TBX15: variants seen among roughly 807,000 people sequenced by gnomAD.
TBX15 encodes T-box transcription factor TBX15.
Under a neutral mutation model 53.9 loss-of-function variants are expected in TBX15, and 18 were observed. That is an observed-to-expected ratio of 0.33 (90% CI 0.23 to 0.49). The LOEUF (loss-of-function observed/expected upper bound fraction) is 0.49. Among genes scored for constraint, TBX15 ranks in the 20% least tolerant of loss-of-function variants. TBX15 has a pLI of 0.98. For synonymous variants in TBX15, 295 were observed against 278.0 expected (o/e 1.06, Z -0.61); for missense variants, 692 against 749.5 (o/e 0.92, Z 0.90).
chr1:118,908,545 A>C (rs1654918847), intron 6 of TBX15, among the ~76,000 whole-genome samples: 1 of 152,134 alleles, frequency 6.6e-6, no homozygotes, highest in South Asian at 2.1e-4. Flanking sequence ...TCCCACACAC[A>C]CACCCAAAAC....
chr1:118,983,013 A>G (rs1036007803), intron 1 of TBX15, among the ~76,000 whole-genome samples: 6 of 152,202 alleles, frequency 3.9e-5, no homozygotes, highest in African/African-American at 1.4e-4. Flanking sequence ...TTCGCTGCCC[A>G]TGAGGTTTGT....
intron 1 of TBX15, among the ~76,000 whole-genome samples, chr1:118,950,314 C>A (rs1656476706): frequency 1.3e-5 from 2 of 152,174 alleles, no homozygotes; most frequent in Non-Finnish European, 1.5e-5. Context: ...CTGACTTGTG[C>A]TTCACTGAGA....
chr1:118,918,664 G>T (rs1181678467), intron 5 of TBX15, among the ~76,000 whole-genome samples: 2 of 152,110 alleles, frequency 1.3e-5, no homozygotes, highest in Non-Finnish European at 2.9e-5. Context: ...TGTGTAGTTT[G>T]AATTATAGAA....
At chr1:118,975,905 G>C (rs1490816445) in intron 1 of TBX15, among the ~76,000 whole-genome samples, 1 of 152,210 alleles carries the variant, frequency 6.6e-6, no homozygotes, top group Non-Finnish European at 1.5e-5. Context: ...GGAAAGTGCA[G>C]CTCCCTTTTC....
intron 1 of TBX15, among the ~76,000 whole-genome samples, chr1:118,943,235 A>G (rs1199110549): frequency 6.6e-6 from 1 of 152,228 alleles, no homozygotes; most frequent in Non-Finnish European, 1.5e-5. Flanking sequence ...TATGAGAGAG[A>G]CAGAAAGAAG....
At chr1:118,889,210 A>G (rs1168217852) in intron 7 of TBX15, among the ~76,000 whole-genome samples, 1 of 152,238 alleles carries the variant, frequency 6.6e-6, no homozygotes, top group Non-Finnish European at 1.5e-5. Flanking sequence ...GCAATTTTTC[A>G]AAGTTCCCAT....
In TBX15 at chr1:118,883,463, C is replaced by T. The variant is rs1216662852; in HGVS notation, c.*1269G>A. ...AGGTAGAAGGGTATAGAAGACCCAT[C>T]TGCAATTCCCTGGGACATGAGGGGA... On this transcript the variant is annotated 3_prime_UTR_variant, in exon 8 of 8. Coordinates refer to ENST00000369429, the MANE Select transcript of TBX15 (RefSeq NM_001330677.2). The T allele has an allele frequency of 6.6e-6, 1 of 152,270 alleles. No homozygotes were observed. Among genetic ancestry groups the T allele is most frequent in the Non-Finnish European group, 1.5e-5 (1 of 68,042 alleles). The allele number at this position is 152,270 out of a possible 1,614,324, so 9.4% of individuals were successfully genotyped here.
chr1:118,885,356 G>T lies in TBX15; in HGVS notation c.1185C>A (p.Asn395Lys). The change falls in exon 8 of 8, where the codon AAC becomes AAA. Residue 395 changes from asparagine to lysine, a missense_variant. By Grantham distance (94) the Asn-to-Lys change is moderately conservative (BLOSUM62 0). Transcript: ENST00000369429. ...GGGCACATGGTGGATAATCAGAGAG[G>T]TTTAGATTACACAGCTGGCTTTCTC... Reference protein sequence around the residue: ...GCRESQLCNLNLSDYPPCARS... With the variant: ...GCRESQLCNLKLSDYPPCARS... The T allele has an allele frequency of 1.9e-6, 3 of 1,614,026 alleles. No homozygotes were observed. Among genetic ancestry groups the T allele is most frequent in the Non-Finnish European group, 2.5e-6 (3 of 1,180,020 alleles).
chr1:118,983,244 C>G (rs1657704583), intron 1 of TBX15, among the ~76,000 whole-genome samples: 1 of 152,216 alleles, frequency 6.6e-6, no homozygotes, highest in Non-Finnish European at 1.5e-5. Flanking sequence ...AGTCCAAACT[C>G]TACATCTGGG....
chr1:118,966,127 G>C (rs1287657275), intron 1 of TBX15, among the ~76,000 whole-genome samples: 1 of 152,198 alleles, frequency 6.6e-6, no homozygotes, highest in East Asian at 1.9e-4. Flanking sequence ...CAGCCTATTA[G>C]AGAATAGAAA....
chr1:118,976,225 T>G (rs1657427725), intron 1 of TBX15, among the ~76,000 whole-genome samples: 1 of 152,152 alleles, frequency 6.6e-6, no homozygotes, highest in African/African-American at 2.4e-5. Context: ...AAAAAAAACT[T>G]CCCAGATTCC....
At position 118,948,222 on chromosome 1, in the gene TBX15, AATAACCCATTTT is replaced by A. The variant is rs1450429936; in HGVS notation, c.206-16402_206-16391del. Among the ~76,000 whole-genome samples the A allele has an allele frequency of 2.0e-5, 3 of 152,216 alleles. No homozygotes were observed. In the East Asian group the frequency reaches 5.8e-4, roughly 29 times the overall value. On this transcript the variant is annotated intron_variant, in intron 1 of 7. Transcript: ENST00000369429. ...TAGCAACTTTTCACTGATCAAGCAA[AATAACCCATTTT>A]ATAATGGGGGCAGACAGATAACATC...
intron 1 of TBX15, among the ~76,000 whole-genome samples, chr1:118,960,244 A>G (rs1571206989): frequency 6.6e-6 from 1 of 152,202 alleles, no homozygotes; most frequent in African/African-American, 2.4e-5. Flanking sequence ...CCAACTAAGT[A>G]CATCCGCTAG....
At chr1:118,890,994 A>T (rs1654121650) in intron 7 of TBX15, 1 of 1,249,424 alleles carries the variant, frequency 8.0e-7, no homozygotes, top group Non-Finnish European at 1.1e-6. Flanking sequence ...GTAAAATATC[A>T]GCACCCTATA....
chr1:118,903,894 G>A (rs991853697), intron 6 of TBX15, among the ~76,000 whole-genome samples: 4 of 152,100 alleles, frequency 2.6e-5, no homozygotes, highest in African/African-American at 4.8e-5. Flanking sequence ...ATGGAATATT[G>A]GGCAAGAATC....
chr1:118,964,857 C>A (rs1656991009), intron 1 of TBX15, among the ~76,000 whole-genome samples: 1 of 152,230 alleles, frequency 6.6e-6, no homozygotes, highest in African/African-American at 2.4e-5. Context: ...GGTTCCAATT[C>A]TTTCCTACTA....
chr1:118,939,429 A>AAAAAAAAAAAAAAAAAAAAAG (rs1656085423), intron 1 of TBX15, among the ~76,000 whole-genome samples: 1 of 100,880 alleles, frequency 9.9e-6, no homozygotes, highest in Non-Finnish European at 2.0e-5. Flanking sequence ...AAAAAAAAAA[A>AAAAAAAAAAAAAAAAAAAAAG]AAAAAAACAA....
intron 1 of TBX15, among the ~76,000 whole-genome samples, chr1:118,936,438 C>T (rs1311396631): frequency 6.6e-6 from 1 of 152,088 alleles, no homozygotes; most frequent in Non-Finnish European, 1.5e-5. Flanking sequence ...ACATTTACTC[C>T]TGTGGCTCTG....
intron 1 of TBX15, among the ~76,000 whole-genome samples, chr1:118,959,093 T>G (rs1179014599): frequency 2.0e-5 from 3 of 151,034 alleles, no homozygotes; most frequent in South Asian, 2.1e-4. Context: ...CTGGTAACAT[T>G]CCTTGAGGGA....
Sources: allele counts gnomAD v4.1 joint callset (sites outside exome capture counted in the v4.1 genomes callset), GRCh38; gene constraint gnomAD v4.1.1; transcripts MANE v1.5; gene names NCBI Gene and HGNC (gene_info 2026-07-23, HGNC 2026-07-21).